Variants in KCND3 observed in about 807,000 individuals in gnomAD.
The protein encoded by KCND3 is A-type voltage-gated potassium channel KCND3.
In KCND3, 9 loss-of-function variants were observed where a neutral mutation model predicts 51.1. The observed-to-expected ratio is 0.18, with a 90% confidence interval of 0.11 to 0.31. The LOEUF (loss-of-function observed/expected upper bound fraction) is 0.31, where lower values mean the gene tolerates loss of function less well. Among genes scored for constraint, KCND3 ranks in the 10% least tolerant of loss-of-function variants. The pLI, the probability that KCND3 is intolerant of heterozygous loss-of-function variation, is 1.00. For synonymous variants in KCND3, 349 were observed against 368.0 expected (o/e 0.95, Z 0.59); for missense variants, 526 against 903.8 (o/e 0.58, Z 5.36).
At position 111,775,751 on chromosome 1, in the gene KCND3, C is replaced by T; in HGVS notation, c.*326G>A. On this transcript the variant is annotated 3_prime_UTR_variant, in exon 8 of 8. Transcript: ENST00000302127. Reference sequence around the variant, plus strand: ...TCTCCAGAAACGACTGTTATTTGGTCTGAGTCTGAGGCTCCTCCATCCAGG... The same window carrying T: ...TCTCCAGAAACGACTGTTATTTGGTTTGAGTCTGAGGCTCCTCCATCCAGG... 4.8e-6 allele frequency: 2 copies of T among 417,432 alleles called. No individual in the cohort carries two copies. The highest frequency in any genetic ancestry group is 9.0e-6 in the Non-Finnish European group (2 of 222,116). The allele number at this position is 417,432 out of a possible 1,614,324, so 25.9% of individuals were successfully genotyped here.
At chr1:111,893,508 T>C (rs1253669095) in intron 2 of KCND3, among the ~76,000 whole-genome samples, 9 of 152,162 alleles carry the variant, frequency 5.9e-5, no homozygotes, top group Non-Finnish European at 1.3e-4. Flanking sequence ...AGGTGGGGAA[T>C]ATTTTTGAAA....
At chr1:111,874,684 G>A (rs922525235) in intron 2 of KCND3, among the ~76,000 whole-genome samples, 10 of 152,138 alleles carry the variant, frequency 6.6e-5, no homozygotes, top group Non-Finnish European at 1.3e-4. Context: ...AGGTGAACTC[G>A]TCAATGCTTC....
chr1:111,939,551 G>T (rs113188279), intron 2 of KCND3, among the ~76,000 whole-genome samples: 3 of 152,270 alleles, frequency 2.0e-5, no homozygotes, highest in Middle Eastern at 3.4e-3. Flanking sequence ...CAAAGGACAT[G>T]AACTCATCCT....
chr1:111,834,109 C>A (rs1055418018), intron 2 of KCND3, among the ~76,000 whole-genome samples: 3 of 152,220 alleles, frequency 2.0e-5, no homozygotes, highest in Admixed American at 6.5e-5. Flanking sequence ...TACAAGGGAT[C>A]AGACCAAGGA....
intron 2 of KCND3, among the ~76,000 whole-genome samples, chr1:111,866,698 G>A (rs2101703971): frequency 6.6e-6 from 1 of 152,202 alleles, no homozygotes; most frequent in South Asian, 2.1e-4. Flanking sequence ...TCAGGAGGCT[G>A]AGGCAGTAGG....
At chr1:111,879,569 A>C (rs1414136499) in intron 2 of KCND3, among the ~76,000 whole-genome samples, 1 of 152,234 alleles carries the variant, frequency 6.6e-6, no homozygotes, top group Admixed American at 6.5e-5. Flanking sequence ...AGCAGAGAGC[A>C]GCTTACTGGA....
intron 2 of KCND3, among the ~76,000 whole-genome samples, chr1:111,915,149 A>G (rs1671136013): frequency 1.3e-5 from 2 of 152,238 alleles, no homozygotes; most frequent in East Asian, 3.8e-4. Context: ...GCGGAGATAA[A>G]GTGAGATCAT....
chr1:111,954,368 G>A (rs897096445), intron 2 of KCND3, among the ~76,000 whole-genome samples: 6 of 152,158 alleles, frequency 3.9e-5, no homozygotes, highest in Admixed American at 6.6e-5. Context: ...CAGGGGATAG[G>A]AGACACCCAA....
chr1:111,853,507 T>C (rs1197609820), intron 2 of KCND3, among the ~76,000 whole-genome samples: 2 of 152,152 alleles, frequency 1.3e-5, no homozygotes, highest in African/African-American at 4.8e-5. Flanking sequence ...AAATGTCACC[T>C]TGTCAGGCAA....
At chr1:111,880,268 GA>G (rs1269619087) in intron 2 of KCND3, among the ~76,000 whole-genome samples, 2 of 152,194 alleles carry the variant, frequency 1.3e-5, no homozygotes, top group Non-Finnish European at 2.9e-5. Context: ...GGATTCCTGA[GA>G]CATGGTCTTG....
Position 111,772,453 on chromosome 1 carries a change from T to A in KCND3, c.*3624A>T, listed in dbSNP as rs1287807675. On this transcript the variant is annotated 3_prime_UTR_variant, in exon 8 of 8. Transcript: ENST00000302127. ...ACATATACGTATTGACATATAAGAC[T>A]ATGTCTCCAATTACAGTATGGATTC... 2 of 152,236 alleles carry A rather than the reference T, an allele frequency of 1.3e-5. No homozygotes were observed. The highest frequency in any genetic ancestry group is 2.4e-5 in the African/African-American group (1 of 41,460). The allele number at this position is 152,236 out of a possible 1,614,324, so 9.4% of individuals were successfully genotyped here.
chr1:111,785,360 G>A (rs1321438999), intron 3 of KCND3, among the ~76,000 whole-genome samples: 2 of 152,232 alleles, frequency 1.3e-5, no homozygotes, highest in East Asian at 1.9e-4. Context: ...AACAGGGAAA[G>A]AGGTAAGATT....
chr1:111,829,421 G>A (rs138955827), intron 2 of KCND3, among the ~76,000 whole-genome samples: 3 of 152,292 alleles, frequency 2.0e-5, no homozygotes, highest in African/African-American at 4.8e-5. Context: ...GCCATGGTAG[G>A]TGGGAGCTGA....
At chr1:111,806,647 A>G (rs1665585292) in intron 2 of KCND3, among the ~76,000 whole-genome samples, 1 of 152,242 alleles carries the variant, frequency 6.6e-6, no homozygotes, top group Non-Finnish European at 1.5e-5. Context: ...AAAATGCTGG[A>G]TGAAATATAA....
intron 2 of KCND3, among the ~76,000 whole-genome samples, chr1:111,879,218 C>T (rs1248766723): frequency 1.3e-5 from 2 of 152,132 alleles, no homozygotes; most frequent in East Asian, 3.9e-4. Context: ...AACTCTCTTT[C>T]TCTCTCTCTA....
intron 2 of KCND3, among the ~76,000 whole-genome samples, chr1:111,808,752 A>G (rs1435504654): frequency 6.6e-6 from 1 of 152,220 alleles, no homozygotes; most frequent in Non-Finnish European, 1.5e-5. Context: ...ATGGACATCA[A>G]TAGGACCAAC....
chr1:111,805,116 G>T (rs900067048), intron 2 of KCND3, among the ~76,000 whole-genome samples: 1 of 152,238 alleles, frequency 6.6e-6, no homozygotes, highest in Non-Finnish European at 1.5e-5. Context: ...GGAAAGGGCG[G>T]CCTAAGCTGA....
intron 2 of KCND3, among the ~76,000 whole-genome samples, chr1:111,904,064 C>T (rs991880140): frequency 6.6e-6 from 1 of 151,176 alleles, no homozygotes; most frequent in East Asian, 2.0e-4. Flanking sequence ...GTGCTGAATC[C>T]CTTTCATGTC....
intron 2 of KCND3, among the ~76,000 whole-genome samples, chr1:111,950,592 G>A (rs574686273): frequency 3.4e-4 from 52 of 152,172 alleles, no homozygotes; most frequent in Non-Finnish European, 6.8e-4. Flanking sequence ...AATAAGAATG[G>A]GATTGAATGG....
Sources: allele counts gnomAD v4.1 joint callset (sites outside exome capture counted in the v4.1 genomes callset), GRCh38; gene constraint gnomAD v4.1.1; transcripts MANE v1.5; gene names NCBI Gene and HGNC (gene_info 2026-07-23, HGNC 2026-07-21).